Variants in TENM3 observed in about 807,000 individuals in gnomAD.
TENM3 encodes the protein teneurin transmembrane protein 3, also known as teneurin-3.
Under a neutral mutation model 255.1 loss-of-function variants are expected in TENM3, and 63 were observed. That is an observed-to-expected ratio of 0.25 (90% CI 0.20 to 0.30). TENM3 has a LOEUF of 0.30. Among genes scored for constraint, TENM3 ranks in the 10% least tolerant of loss-of-function variants. The pLI, the probability that TENM3 is intolerant of heterozygous loss-of-function variation, is 1.00. For missense variants in TENM3, 2,929 were observed against 3,461.1 expected, an observed-to-expected ratio of 0.85 and a Z score of 3.86; for synonymous variants, 1,306 against 1,322.3, an observed-to-expected ratio of 0.99 and a Z score of 0.27.
At chr4:181,534,379 A>T in the TENM3 span, among the ~76,000 whole-genome samples, 1 of 152,194 alleles carries the variant, frequency 6.6e-6, no homozygotes, top group South Asian at 2.1e-4. Context: ...AAGCACAGTG[A>T]TGAAGGCAGC....
At chr4:182,089,632 A>T in the TENM3 span, among the ~76,000 whole-genome samples, 89 of 152,326 alleles carry the variant, frequency 5.8e-4, no homozygotes, top group African/African-American at 1.9e-3. Flanking sequence ...TTCTGTTTCT[A>T]ATCCCTTTGG....
chr4:181,820,094 G>A, the TENM3 span: 1 of 152,118 alleles, frequency 6.6e-6, no homozygotes, highest in Admixed American at 6.6e-5. Flanking sequence ...GTACACAGAA[G>A]ATGAGTGGCC....
chr4:182,191,397 TG>T (rs919113617), intron 1 of TENM3, among the ~76,000 whole-genome samples: 2 of 152,266 alleles, frequency 1.3e-5, no homozygotes, highest in African/African-American at 4.8e-5. Flanking sequence ...TGTCCTTTTT[TG>T]CCATTTCCAG....
rs534812395 is a variant in TENM3, at chr4:182,311,134, CATA to C, written c.-75-12808_-75-12806del. Reference sequence around the variant, plus strand: ...TGTGAGCACGTCTCCCTCTGAAACACATAATATCACACCAGGGTGTCATTTATG... The same window carrying C: ...TGTGAGCACGTCTCCCTCTGAAACACATATCACACCAGGGTGTCATTTATG... On this transcript the variant is annotated intron_variant, in intron 1 of 27. Transcript: ENST00000511685. 4.6e-5 allele frequency among the ~76,000 whole-genome samples: 7 copies of C among 152,358 alleles called. No individual in the cohort carries two copies. The South Asian group carries it at 1.4e-3, about 32-fold the overall frequency.
Position 182,214,961 on chromosome 4 carries a change from A to G in TENM3, c.-76+70207A>G, listed in dbSNP as rs563860027. Among the ~76,000 whole-genome samples the G allele has an allele frequency of 6.4e-4, 98 of 152,322 alleles. 2 individuals are homozygous for G. In the South Asian group the frequency reaches 0.02, roughly 31 times the overall value. ...ACCTACAGTAATTTTCTATTCTAAC[A>G]CCCTTTAACAAAATCGTGGCACACA... On this transcript the variant is annotated intron_variant, in intron 1 of 2. Transcript: ENST00000512480.
the TENM3 span, among the ~76,000 whole-genome samples, chr4:181,773,924 T>G: frequency 6.6e-6 from 1 of 151,994 alleles, no homozygotes; most frequent in South Asian, 2.1e-4. Flanking sequence ...TTGAGCCTCT[T>G]TTTCAAAATT....
the TENM3 span, among the ~76,000 whole-genome samples, chr4:181,573,922 G>A: frequency 3.9e-5 from 6 of 152,096 alleles, no homozygotes. Context: ...ATGGGATTCA[G>A]AGAAATGTAC....
chr4:181,642,874 T>A, the TENM3 span, among the ~76,000 whole-genome samples: 26 of 152,152 alleles, frequency 1.7e-4, no homozygotes, highest in Non-Finnish European at 3.2e-4. Context: ...ATCTCTGTTT[T>A]GGTACCAGTA....
the TENM3 span, among the ~76,000 whole-genome samples, chr4:181,958,460 T>C: frequency 6.6e-6 from 1 of 152,200 alleles, no homozygotes; most frequent in Non-Finnish European, 1.5e-5. Flanking sequence ...AGAGTAACTG[T>C]GTCAATAATA....
chr4:182,014,027 TATATACACATATATAC>T, the TENM3 span, among the ~76,000 whole-genome samples: 1 of 30,738 alleles, frequency 3.3e-5, no homozygotes, highest in African/African-American at 1.2e-4. Context: ...TGTATATACG[TATATACACATATATAC>T]GTATATATAC....
At chr4:182,395,344 A>G (rs1768735444) in intron 3 of TENM3, among the ~76,000 whole-genome samples, 1 of 150,698 alleles carries the variant, frequency 6.6e-6, no homozygotes, top group Non-Finnish European at 1.5e-5. Flanking sequence ...AAAATTATAT[A>G]AGAGTCAATT....
the TENM3 span, among the ~76,000 whole-genome samples, chr4:181,712,818 A>C: frequency 6.6e-6 from 1 of 152,228 alleles, no homozygotes; most frequent in Non-Finnish European, 1.5e-5. Flanking sequence ...GTGGAAAATC[A>C]GTAAGAATGA....
At chr4:182,771,488 G>A (rs4467618) in intron 22 of TENM3, among the ~76,000 whole-genome samples, 123,254 of 147,186 alleles carry the variant, frequency 0.84, 51,680 homozygotes, top group African/African-American at 0.94. Context: ...TTCATTTTCC[G>A]TCTCTGAAAT....
intron 2 of TENM3, among the ~76,000 whole-genome samples, chr4:182,327,860 G>C (rs1329592068): frequency 6.6e-6 from 1 of 152,130 alleles, no homozygotes; most frequent in East Asian, 1.9e-4. Context: ...AGCTGCATAG[G>C]ATCATCCCAC....
chr4:181,657,525 T>G, the TENM3 span, among the ~76,000 whole-genome samples: 1 of 152,170 alleles, frequency 6.6e-6, no homozygotes, highest in South Asian at 2.1e-4. Flanking sequence ...TAACAGGTGT[T>G]GGTGATACTG....
At chr4:181,636,096 A>G in the TENM3 span, among the ~76,000 whole-genome samples, 6 of 152,064 alleles carry the variant, frequency 3.9e-5, no homozygotes, top group Non-Finnish European at 7.4e-5. Flanking sequence ...TTCAGGCTGG[A>G]GTGCAATGAT....
chr4:181,911,008 T>C, the TENM3 span, among the ~76,000 whole-genome samples: 2 of 152,174 alleles, frequency 1.3e-5, no homozygotes, highest in Non-Finnish European at 2.9e-5. Context: ...TTTGAGTACA[T>C]CCTAACTCTG....
chr4:182,666,769 T>C (rs765355153), intron 6 of TENM3, among the ~76,000 whole-genome samples: 23 of 151,710 alleles, frequency 1.5e-4, no homozygotes, highest in Non-Finnish European at 2.4e-4. Flanking sequence ...CTCGGTGGTG[T>C]GCACCTGTAG....
the TENM3 span, among the ~76,000 whole-genome samples, chr4:181,727,731 C>G: frequency 1.3e-5 from 2 of 152,112 alleles, no homozygotes; most frequent in Non-Finnish European, 2.9e-5. Context: ...CATTATTAAG[C>G]CTCCTTGAGA....
Sources: allele counts gnomAD v4.1 joint callset (sites outside exome capture counted in the v4.1 genomes callset), GRCh38; gene constraint gnomAD v4.1.1; transcripts MANE v1.5; gene names NCBI Gene and HGNC (gene_info 2026-07-23, HGNC 2026-07-21).